Variants in ROBO2 observed in about 807,000 individuals in gnomAD.
ROBO2 encodes the protein roundabout homolog 2.
A neutral mutation model predicts 160.8 loss-of-function variants in ROBO2; 53 were observed. The observed-to-expected ratio is 0.33, with a 90% CI of 0.26 to 0.41. The LOEUF is 0.41. ROBO2 is among the 10% of genes least tolerant of loss of function. ROBO2 has a pLI of 1.00. For missense variants in ROBO2, 1,577 were observed against 1,722.4 expected (o/e 0.92, Z 1.49); for synonymous variants, 664 against 611.7 (o/e 1.09, Z -1.26).
At chr3:77,228,817 A>C (rs2086809921) in intron 2 of ROBO2, among the ~76,000 whole-genome samples, 1 of 152,178 alleles carries the variant, frequency 6.6e-6, no homozygotes, top group Non-Finnish European at 1.5e-5. Flanking sequence ...AAGAAGACCC[A>C]ATTATGTCTG....
At chr3:77,222,116 G>A (rs1343705415) in intron 2 of ROBO2, among the ~76,000 whole-genome samples, 1 of 151,996 alleles carries the variant, frequency 6.6e-6, no homozygotes, top group African/African-American at 2.4e-5. Flanking sequence ...CTCCCAAAGT[G>A]CTGGGATTAC....
chr3:77,168,022 A>G (rs1328777425), intron 2 of ROBO2, among the ~76,000 whole-genome samples: 1 of 152,220 alleles, frequency 6.6e-6, no homozygotes, highest in African/African-American at 2.4e-5. Context: ...TAATGAACTT[A>G]ATGCATACCT....
In ROBO2 at chr3:76,853,285, G is replaced by A. The variant is rs144275199; in HGVS notation, c.110-244729G>A. Among the ~76,000 whole-genome samples, 232 of 152,048 alleles carry A rather than the reference G, an allele frequency of 1.5e-3. 1 individual carries two copies. Among genetic ancestry groups the A allele is most frequent in the Admixed American group, 3.3e-3 (51 of 15,272 alleles). ...AAATAGTTGGTAAGATTGCCACTTG[G>A]GACTCTAAATGTATTACTTTTCCAA... is the stretch of plus-strand genomic sequence containing the variant. On this transcript the variant is annotated intron_variant, in intron 2 of 26. Coordinates refer to the ROBO2 transcript ENST00000487694.
Position 76,353,142 on chromosome 3 carries a change from G to A in ROBO2, c.109+415540G>A, listed in dbSNP as rs959497636. On this transcript the variant is annotated intron_variant, in intron 2 of 26. Coordinates refer to the ROBO2 transcript ENST00000487694. ...GTTAAAATGGAAAATGCAATGGAAA[G>A]ATGAAATACTGCTTTGGATCCCTGT... Among the ~76,000 whole-genome samples, 65 of 152,090 alleles carry A rather than the reference G, an allele frequency of 4.3e-4. No individual in the cohort carries two copies. In the Middle Eastern group the frequency reaches 0.01, roughly 24 times the overall value.
intron 2 of ROBO2, among the ~76,000 whole-genome samples, chr3:77,159,387 C>T (rs1479052932): frequency 1.3e-5 from 2 of 152,078 alleles, no homozygotes; most frequent in Non-Finnish European, 2.9e-5. Flanking sequence ...GATGAATTTC[C>T]CAGCTATTGC....
chr3:76,580,888 T>C (rs2085660016), intron 2 of ROBO2, among the ~76,000 whole-genome samples: 1 of 152,158 alleles, frequency 6.6e-6, no homozygotes, highest in African/African-American at 2.4e-5. Flanking sequence ...GGGCTAGTTT[T>C]ATATTTCTGG....
At chr3:77,104,481 A>G (rs766940827) in intron 2 of ROBO2, among the ~76,000 whole-genome samples, 8 of 152,064 alleles carry the variant, frequency 5.3e-5, no homozygotes, top group Non-Finnish European at 1.0e-4. Flanking sequence ...TATGATAGAC[A>G]TTTGCATTAC....
chr3:76,851,612 G>C (rs1577040223), intron 2 of ROBO2, among the ~76,000 whole-genome samples: 1 of 150,062 alleles, frequency 6.7e-6, no homozygotes, highest in East Asian at 2.0e-4. Context: ...GCGGGCGCCT[G>C]TAGTCCCAGC....
At chr3:76,050,603 C>A (rs1559868316) in intron 2 of ROBO2, among the ~76,000 whole-genome samples, 1 of 152,136 alleles carries the variant, frequency 6.6e-6, no homozygotes, top group Admixed American at 6.5e-5. Flanking sequence ...TAAATACCAC[C>A]CACAGGCTGG....
intron 2 of ROBO2, among the ~76,000 whole-genome samples, chr3:76,003,247 T>C (rs1307330340): frequency 6.6e-6 from 1 of 152,176 alleles, no homozygotes; most frequent in African/African-American, 2.4e-5. Flanking sequence ...TAAATACCAG[T>C]GGACATAACT....
At chr3:76,270,888 C>A (rs1707392108) in intron 2 of ROBO2, among the ~76,000 whole-genome samples, 1 of 152,076 alleles carries the variant, frequency 6.6e-6, no homozygotes, top group South Asian at 2.1e-4. Context: ...TTCTTTATAG[C>A]TGGAAGCTTC....
At position 77,010,837 on chromosome 3, in the gene ROBO2, CCTCCCTCCCTCCCTCT is replaced by C. The variant is rs1346248040; in HGVS notation, c.110-87162_110-87147del. 2.3e-3 allele frequency among the ~76,000 whole-genome samples: 138 copies of C among 59,876 alleles called. 2 individuals carry two copies. Among genetic ancestry groups the C allele is most frequent in the African/African-American group, 5.2e-3 (129 of 24,774 alleles). The allele number at this position is 59,876 out of a possible 152,430, so 39.3% of individuals were successfully genotyped here. The stretch of plus-strand genomic sequence containing the variant: ...TCTTTCTCTCCTTCCTTCCTTCCTC[CCTCCCTCCCTCCCTCT>C]CTCCCTCCCTCCCTACCTTCCTTCC... On this transcript the variant is annotated intron_variant, in intron 2 of 26. Coordinates refer to the ROBO2 transcript ENST00000487694.
At chr3:76,362,477 A>G (rs890990897) in intron 2 of ROBO2, among the ~76,000 whole-genome samples, 1 of 152,074 alleles carries the variant, frequency 6.6e-6, no homozygotes, top group African/African-American at 2.4e-5. Context: ...TTAAAGTCCT[A>G]AGGCCTAGTA....
At chr3:76,416,545 T>C (rs1195734312) in intron 2 of ROBO2, among the ~76,000 whole-genome samples, 2 of 152,218 alleles carry the variant, frequency 1.3e-5, no homozygotes, top group Non-Finnish European at 2.9e-5. Flanking sequence ...GTTAATGTGA[T>C]AAATTAGTGG....
chr3:76,737,353 A>G (rs903686763), intron 2 of ROBO2, among the ~76,000 whole-genome samples: 2 of 151,792 alleles, frequency 1.3e-5, no homozygotes, highest in African/African-American at 2.4e-5. Context: ...GGTGTCTGCT[A>G]TAAACATTCC....
At position 76,132,403 on chromosome 3, in the gene ROBO2, G is replaced by GGC. The variant is rs1553653791; in HGVS notation, c.109+194802_109+194803insCG. 2.9e-5 allele frequency among the ~76,000 whole-genome samples: 4 copies of GGC among 136,422 alleles called. 1 individual carries two copies. The highest frequency in any genetic ancestry group is 3.6e-3 in the Middle Eastern group (1 of 274). The allele number at this position is 136,422 out of a possible 152,430, so 89.5% of individuals were successfully genotyped here. A position where few individuals can be genotyped will look rare whatever the true frequency, so the allele number is the denominator to read the frequency against. On this transcript the variant is annotated intron_variant, in intron 2 of 26. Transcript: ENST00000487694. ...CCAAATTCCAGACTGTTGGGGGGGGGGGGGGACGCAGATGTTCAGCATAAA... is the reference window on the plus strand; with the variant it reads ...CCAAATTCCAGACTGTTGGGGGGGGGGCGGGGGACGCAGATGTTCAGCATAAA...
intron 2 of ROBO2, among the ~76,000 whole-genome samples, chr3:76,422,838 T>G (rs2076049663): frequency 6.6e-6 from 1 of 152,140 alleles, no homozygotes; most frequent in Non-Finnish European, 1.5e-5. Flanking sequence ...AAAATCTTAT[T>G]TCGAAGGAGA....
intron 2 of ROBO2, among the ~76,000 whole-genome samples, chr3:77,341,670 T>C (rs1375554581): frequency 6.6e-6 from 1 of 152,124 alleles, no homozygotes; most frequent in African/African-American, 2.4e-5. Flanking sequence ...AGACTGCCTG[T>C]TCTGAATTAC....
At chr3:76,798,308 G>T (rs1052909271) in intron 2 of ROBO2, among the ~76,000 whole-genome samples, 40 of 149,348 alleles carry the variant, frequency 2.7e-4, no homozygotes, top group African/African-American at 9.2e-4. Context: ...AAGAAAGAAA[G>T]AAAGAAAAAA....
Sources: gnomAD v4.1 joint callset for allele counts (sites outside exome capture counted in the v4.1 genomes callset) on GRCh38, gnomAD v4.1.1 for gene constraint, MANE v1.5 for transcripts, NCBI Gene and HGNC (gene_info 2026-07-23, HGNC 2026-07-21) for gene names.